CPNE3: variants seen among roughly 807,000 people sequenced by gnomAD.
CPNE3 encodes copine-3.
In CPNE3, 68 loss-of-function variants were observed where a neutral mutation model predicts 63.9. That is an observed-to-expected ratio of 1.06 (90% CI 0.87 to 1.30). The LOEUF (loss-of-function observed/expected upper bound fraction) is 1.30, where lower values mean the gene tolerates loss of function less well. Among genes scored for constraint, CPNE3 ranks in the 50% most tolerant of loss-of-function variants. CPNE3 has a pLI of 0.00. For missense variants in CPNE3, 665 were observed against 578.1 expected, an observed-to-expected ratio of 1.15 and a Z score of -1.54; for synonymous variants, 219 against 197.5, an observed-to-expected ratio of 1.11 and a Z score of -0.91.
At chr8:86,521,096 G>A (rs1315940316) in intron 2 of CPNE3, among the ~76,000 whole-genome samples, 1 of 152,134 alleles carries the variant, frequency 6.6e-6, no homozygotes, top group East Asian at 1.9e-4. Context: ...TTTAATGTGA[G>A]TTTTTTACTC....
chr8:86,517,663 T>C (rs1820344357), intron 2 of CPNE3, among the ~76,000 whole-genome samples: 1 of 152,214 alleles, frequency 6.6e-6, no homozygotes, highest in African/African-American at 2.4e-5. Flanking sequence ...GTACTTCTTG[T>C]TCTCCTTCTT....
At chr8:86,529,444 A>G (rs746552950) in intron 4 of CPNE3, among the ~76,000 whole-genome samples, 8 of 152,130 alleles carry the variant, frequency 5.3e-5, no homozygotes, top group Non-Finnish European at 8.8e-5. Flanking sequence ...CCATAAATGC[A>G]TTCAAGATAA....
intron 2 of CPNE3, chr8:86,525,114 C>G (rs561723382): frequency 6.6e-6 from 1 of 152,200 alleles, no homozygotes; most frequent in Middle Eastern, 3.1e-3. Flanking sequence ...CTCGGCCTCC[C>G]GAAATGCTGG....
chr8:86,525,533 G>C (rs1820523474), intron 2 of CPNE3, among the ~76,000 whole-genome samples: 1 of 152,160 alleles, frequency 6.6e-6, no homozygotes, highest in African/African-American at 2.4e-5. Context: ...GAAGAAATTT[G>C]TTTCCTGGCA....
chr8:86,554,773 A>G, intron 14 of CPNE3, 78 bp from the exon 15 acceptor site: 7 of 1,538,406 alleles, frequency 4.6e-6, no homozygotes, highest in Non-Finnish European at 6.2e-6. Flanking sequence ...ACATATAATC[A>G]AATTAGCCAG....
intron 14 of CPNE3, chr8:86,554,221 C>T (rs1252136198): frequency 6.6e-6 from 1 of 152,170 alleles, no homozygotes; most frequent in African/African-American, 2.4e-5. Context: ...GTCCAACTTT[C>T]TATTATAAAA....
At chr8:86,523,131 G>T (rs1820471146) in intron 2 of CPNE3, among the ~76,000 whole-genome samples, 1 of 152,164 alleles carries the variant, frequency 6.6e-6, no homozygotes, top group South Asian at 2.1e-4. Context: ...AATTCATAGA[G>T]TGTCTATTAT....
chr8:86,546,084 A>C (rs1821042076), intron 9 of CPNE3, among the ~76,000 whole-genome samples: 1 of 152,136 alleles, frequency 6.6e-6, no homozygotes, highest in Non-Finnish European at 1.5e-5. Flanking sequence ...AATTTTTAAC[A>C]TGTATTCCCA....
chr8:86,542,254 G>A (rs542034508), intron 8 of CPNE3, among the ~76,000 whole-genome samples: 2 of 152,086 alleles, frequency 1.3e-5, no homozygotes, highest in East Asian at 3.8e-4. Context: ...CTTACTGTTC[G>A]AAAATTGCTT....
intron 2 of CPNE3, among the ~76,000 whole-genome samples, chr8:86,527,839 A>G (rs998724130): frequency 1.3e-5 from 2 of 151,452 alleles, no homozygotes; most frequent in African/African-American, 4.8e-5. Context: ...TAAAAATAAA[A>G]CTTAATCTGT....
In CPNE3 at chr8:86,559,787, T is replaced by G. The variant is rs1160154682; in HGVS notation, c.*1377T>G. 2.0e-5 allele frequency: 3 copies of G among 152,236 alleles called. No individual in the cohort carries two copies. Among genetic ancestry groups the G allele is most frequent in the Non-Finnish European group, 4.4e-5 (3 of 68,024 alleles). The allele number at this position is 152,236 out of a possible 1,614,324, so 9.4% of individuals were successfully genotyped here. A position where few individuals can be genotyped will look rare whatever the true frequency, so the allele number is the denominator to read the frequency against. On this transcript the variant is annotated 3_prime_UTR_variant, in exon 17 of 17. Transcript: ENST00000517490. Reference sequence around the variant, plus strand: ...TGCATATCTATATATTGGCCAATTATCTTTAATAATTTACCTTTTGAAATT... The same window carrying G: ...TGCATATCTATATATTGGCCAATTAGCTTTAATAATTTACCTTTTGAAATT...
chr8:86,547,965 G>C (rs1446043449), intron 11 of CPNE3, among the ~76,000 whole-genome samples, 195 bp downstream of exon 11: 2 of 152,214 alleles, frequency 1.3e-5, no homozygotes, highest in Non-Finnish European at 2.9e-5. Flanking sequence ...CCTCCTGAGA[G>C]AAAGCAGATG....
Position 86,557,171 on chromosome 8 carries a change from A to G in CPNE3, c.1491+833A>G, listed in dbSNP as rs149927744. 7.0e-3 allele frequency among the ~76,000 whole-genome samples: 1,070 copies of G among 152,204 alleles called. 5 individuals carry two copies. The highest frequency in any genetic ancestry group is 0.014 in the South Asian group (65 of 4,814). ...TTGTTTGTTTTGTTTTTGTTTTGAG[A>G]CAGAGTCTTGCTCTGTCACCCAGGC... is the stretch of plus-strand genomic sequence containing the variant. On this transcript the variant is annotated intron_variant, in intron 16 of 16. Coordinates refer to ENST00000517490, the MANE Select transcript of CPNE3 (RefSeq NM_003909.5).
intron 2 of CPNE3, 41 bp from the exon 3 acceptor site, chr8:86,528,495 G>T: frequency 6.2e-7 from 1 of 1,606,706 alleles, no homozygotes; most frequent in Non-Finnish European, 8.5e-7. Context: ...CTTCTTAAAG[G>T]CACTGTTTTA....
chr8:86,551,142 A>G (rs1821166315), intron 13 of CPNE3, 41 bp from the exon 14 acceptor site: 1 of 1,613,226 alleles, frequency 6.2e-7, no homozygotes, highest in East Asian at 2.2e-5. Context: ...CTCCTAGAAA[A>G]GCAGCCCAGC....
rs749863412 is a variant in CPNE3 at position 86,554,860 on chromosome 8, G to A, written c.1130G>A (p.Gly377Asp). Reference protein sequence around the residue: ...PSNPYCNGIQGIVEAYRSCLP... With the variant: ...PSNPYCNGIQDIVEAYRSCLP... ...TGTTTGTTTGTTCTAGGAATCCAAG[G>A]CATTGTAGAGGCGTATCGGTCTTGT... Residue 377 changes from glycine to aspartate, a missense_variant, in exon 15 of 17, where the codon GGC (glycine) becomes GAC (aspartate). Gly to Asp is a moderately conservative substitution (Grantham distance 94). Transcript: ENST00000517490. The A allele has an allele frequency of 2.5e-6, 4 of 1,613,476 alleles. No homozygotes were observed. In the African/African-American group the frequency reaches 5.3e-5, roughly 22 times the overall value.
rs1432400211 is a variant in CPNE3 at position 86,544,827 on chromosome 8, A to T, written c.721A>T (p.Arg241Ter). The change falls in exon 9 of 17, where the codon AGA (arginine) becomes TGA (stop). Residue 241 changes from arginine (R) to a stop codon, truncating the protein, a stop_gained. Coordinates refer to ENST00000517490, the MANE Select transcript of CPNE3 (RefSeq NM_003909.5). LOFTEE classifies it high-confidence loss of function. ...CATGACAAAACTGAAAGAAGCCTCC[A>T]GAAGCTCACCTGTAAGTTACATCCT... is the stretch of plus-strand genomic sequence containing the variant. ...TTMTKLKEAS[R>*]SSPVEFECIN... 1 of 1,587,888 alleles carries T rather than the reference A, an allele frequency of 6.3e-7. No individual in the cohort carries two copies. The highest frequency in any genetic ancestry group is 1.4e-5 in the African/African-American group (1 of 73,458).
chr8:86,541,432 G>A (rs1277711160), intron 8 of CPNE3, among the ~76,000 whole-genome samples: 1 of 152,072 alleles, frequency 6.6e-6, no homozygotes, highest in Non-Finnish European at 1.5e-5. Flanking sequence ...TGCCGGGCAT[G>A]GTGGCTCAGG....
At position 86,558,207 on chromosome 8, in the gene CPNE3, C is replaced by G. The variant is rs878956875; in HGVS notation, c.1492-81C>G. ...TAGAATTGCTTCATTTTAGTGGCTG[C>G]TGAAGTATCCCTAGTCTTTTATGAA... On this transcript the variant is annotated intron_variant, in intron 16 of 16. Transcript: ENST00000517490. 3.1e-4 allele frequency: 263 copies of G among 836,614 alleles called. 3 individuals are homozygous for G. Among genetic ancestry groups the G allele is most frequent in the East Asian group, 1.9e-3 (78 of 40,760 alleles). The allele number at this position is 836,614 out of a possible 1,614,324, so 51.8% of individuals were successfully genotyped here.
Sources: gnomAD v4.1 joint callset for allele counts (sites outside exome capture counted in the v4.1 genomes callset) on GRCh38, gnomAD v4.1.1 for gene constraint, MANE v1.5 for transcripts, NCBI Gene and HGNC (gene_info 2026-07-23, HGNC 2026-07-21) for gene names.